Variants in KRTAP4-2 observed in about 807,000 individuals in gnomAD.
KRTAP4-2 encodes the protein keratin associated protein 4-2.
For synonymous variants in KRTAP4-2, 56 were observed against 63.5 expected (o/e 0.88, Z 0.56); for missense variants, 178 against 177.3 (o/e 1.00, Z -0.02).
rs774437758 is a variant in KRTAP4-2, at chr17:41,177,825, T to A, written c.340A>T (p.Thr114Ser). ...ACACAGCAGCTGGGGCGGTAGCAGG[T>A]GGTCCTGCAGCAGGTGGTCTGGCCA... ...SCGQTTCCRTTCYRPSCCVST... is the reference protein window; with the variant it reads ...SCGQTTCCRTSCYRPSCCVST... Residue 114 changes from threonine (T) to serine (S), a missense_variant, in exon 1 of 1, where the codon ACC becomes TCC. Transcript: ENST00000377726. 6.2e-7 allele frequency: 1 copy of A among 1,610,634 alleles called. No individual in the cohort carries two copies. The highest frequency in any genetic ancestry group is 8.5e-7 in the Non-Finnish European group (1 of 1,179,114).
Position 41,177,936 on chromosome 17 carries a change from G to A in KRTAP4-2, c.229C>T (p.Arg77Cys), listed in dbSNP as rs200563477. The change falls in exon 1 of 1, where the codon CGT becomes TGT. Residue 77 changes from arginine (R) to cysteine (C), a missense_variant. Arg to Cys is a radical substitution (Grantham distance 180). Transcript: ENST00000377726. ...QTTCCRTTCCRPSCCVSSCFR... is the reference protein window; with the variant it reads ...QTTCCRTTCCCPSCCVSSCFR... Reference sequence around the variant, plus strand: ...CAGCTGGACACACAGCAGCTGGGACGGCAGCAGGTGGTCCTGCAGCAAGTG... The same window carrying A: ...CAGCTGGACACACAGCAGCTGGGACAGCAGCAGGTGGTCCTGCAGCAAGTG... The A allele has an allele frequency of 1.2e-4, 200 of 1,612,840 alleles. No individual in the cohort carries two copies. Among genetic ancestry groups the A allele is most frequent in the Non-Finnish European group, 1.6e-4 (192 of 1,179,758 alleles).
In KRTAP4-2 at chr17:41,177,902, G is replaced by T. The variant is rs376978526; in HGVS notation, c.263C>A (p.Pro88His). The T allele has an allele frequency of 4.0e-5, 63 of 1,584,200 alleles. No homozygotes were observed. The African/African-American group carries it at 7.1e-4, about 18-fold the overall frequency. ...GCAGTACACAGACTGGCAGCACTGG[G>T]GTCTGAAGCAGCTGGACACACAGCA... ...PSCCVSSCFRPQCCQSVYCQP... is the reference protein window; with the variant it reads ...PSCCVSSCFRHQCCQSVYCQP... Residue 88 changes from proline (P) to histidine (H), a missense_variant, in exon 1 of 1, where the codon CCC becomes CAC. By Grantham distance (77) the Pro-to-His change is moderately conservative. Transcript: ENST00000377726.
At position 41,177,760 on chromosome 17, in the gene KRTAP4-2, G is replaced by A. The variant is rs1568017229; in HGVS notation, c.405C>T (p.Cys135=). ...CCRPTCSSGS[C]C ...GTGAGTATAGGTGAGGGCATCAGCA[G>A]CAAGAGCCACTAGAGCAGGTTGGGC... The change falls in exon 1 of 1, where the codon TGC becomes TGT. Residue 135 remains cysteine (C), a synonymous_variant. Transcript: ENST00000377726. 2 of 1,613,396 alleles carry A rather than the reference G, an allele frequency of 1.2e-6. No homozygotes were observed. Among genetic ancestry groups the A allele is most frequent in the South Asian group, 1.1e-5 (1 of 90,978 alleles).
rs1298998582 is a variant in KRTAP4-2, at chr17:41,177,790, G to A, written c.375C>T (p.Cys125=). ...AGCCACTAGAGCAGGTTGGGCGGCA[G>A]CAGGTGGACACACAGCAGCTGGGGC... The part of the protein sequence containing the change: ...CYRPSCCVST[C]CRPTCSSGSC... Residue 125 remains cysteine (C), a synonymous_variant, in exon 1 of 1, where the codon TGC becomes TGT. Transcript: ENST00000377726. 6.2e-7 allele frequency: 1 copy of A among 1,614,066 alleles called. No homozygotes were observed.
At position 41,178,208 on chromosome 17, in the gene KRTAP4-2, G is replaced by A. The variant is rs1458990258; in HGVS notation, c.-44C>T. 1 of 1,574,030 alleles carries A rather than the reference G, an allele frequency of 6.4e-7. No homozygotes were observed. The highest frequency in any genetic ancestry group is 1.7e-5 in the Admixed American group (1 of 57,202). On this transcript the variant is annotated 5_prime_UTR_variant, in exon 1 of 1. Coordinates refer to ENST00000377726, the MANE Select transcript of KRTAP4-2 (RefSeq NM_033062.4). ...TTCTGGGTGGATTTCCAGGAAGGTG[G>A]GTTTGGAAGGTTTGGAAGTTTCCTT... is the stretch of plus-strand genomic sequence containing the variant.
Position 41,177,516 on chromosome 17 carries a change from G to A in KRTAP4-2, c.*238C>T. 1 of 638,940 alleles carries A rather than the reference G, an allele frequency of 1.6e-6. No homozygotes were observed. Among genetic ancestry groups the A allele is most frequent in the Non-Finnish European group, 2.6e-6 (1 of 382,480 alleles). 39.6% of individuals were successfully genotyped at this position (638,940 alleles called of 1,614,324 possible). ...TAGCTCCATGTGATAAATTATGGTAGAGAGCAAATATTTCAATTCAGGGAA... is the reference window on the plus strand; with the variant it reads ...TAGCTCCATGTGATAAATTATGGTAAAGAGCAAATATTTCAATTCAGGGAA... On this transcript the variant is annotated 3_prime_UTR_variant, in exon 1 of 1. Coordinates refer to ENST00000377726, the MANE Select transcript of KRTAP4-2 (RefSeq NM_033062.4).
chr17:41,178,206 T>A lies in KRTAP4-2; in HGVS notation c.-42A>T. 1.3e-6 allele frequency: 2 copies of A among 1,583,378 alleles called. No individual in the cohort carries two copies. The highest frequency in any genetic ancestry group is 1.7e-6 in the Non-Finnish European group (2 of 1,162,842). ...GGTTCTGGGTGGATTTCCAGGAAGG[T>A]GGGTTTGGAAGGTTTGGAAGTTTCC... On this transcript the variant is annotated 5_prime_UTR_variant, in exon 1 of 1. Transcript: ENST00000377726.
Position 41,178,038 on chromosome 17 carries a change from A to T in KRTAP4-2, c.127T>A (p.Ser43Thr). 1 of 1,612,416 alleles carries T rather than the reference A, an allele frequency of 6.2e-7. No homozygotes were observed. Among genetic ancestry groups the T allele is most frequent in the Non-Finnish European group, 8.5e-7 (1 of 1,179,276 alleles). ...CAGCACTGCGGTCTGCAGCAGCTGG[A>T]CACACAGCAGCTGGGGCGGCAGCAG... ...TTCCRPSCCV[S>T]SCCRPQCCQS... Residue 43 changes from serine (S) to threonine (T), a missense_variant, in exon 1 of 1, where the codon TCC (serine) becomes ACC (threonine). By Grantham distance (58) the Ser-to-Thr change is moderately conservative. Transcript: ENST00000377726.
At position 41,177,599 on chromosome 17, in the gene KRTAP4-2, G is replaced by A. The variant is rs549777986; in HGVS notation, c.*155C>T. On this transcript the variant is annotated 3_prime_UTR_variant, in exon 1 of 1. Transcript: ENST00000377726. ...ACTTGTATTCATTTGGTAGAGGGTA[G>A]CAACATAGTGTTTGGTGAGCATATT... 1 of 1,174,046 alleles carries A rather than the reference G, an allele frequency of 8.5e-7. No individual in the cohort carries two copies. Among genetic ancestry groups the A allele is most frequent in the South Asian group, 1.5e-5 (1 of 66,588 alleles). The allele number at this position is 1,174,046 out of a possible 1,614,324, so 72.7% of individuals were successfully genotyped here.
chr17:41,177,905 C>T lies in KRTAP4-2; in HGVS notation c.260G>A (p.Arg87Lys). 1 of 1,584,114 alleles carries T rather than the reference C, an allele frequency of 6.3e-7. No individual in the cohort carries two copies. Among genetic ancestry groups the T allele is most frequent in the South Asian group, 1.1e-5 (1 of 88,384 alleles). The change falls in exon 1 of 1, where the codon AGA (arginine) becomes AAA (lysine). Residue 87 changes from arginine to lysine, a missense_variant. Transcript: ENST00000377726. ...RPSCCVSSCF[R>K]PQCCQSVYCQ... ...GTACACAGACTGGCAGCACTGGGGT[C>T]TGAAGCAGCTGGACACACAGCAGCT... is the stretch of plus-strand genomic sequence containing the variant.
In KRTAP4-2 at chr17:41,178,082, G is replaced by C. The variant is rs778973243; in HGVS notation, c.83C>G (p.Thr28Ser). 2.5e-6 allele frequency: 4 copies of C among 1,614,162 alleles called. No individual in the cohort carries two copies. Among genetic ancestry groups the C allele is most frequent in the Non-Finnish European group, 3.4e-6 (4 of 1,179,996 alleles). Residue 28 changes from threonine to serine, a missense_variant, in exon 1 of 1, where the codon ACC becomes AGC. Thr to Ser is a moderately conservative substitution (Grantham distance 58, BLOSUM62 1). Coordinates refer to ENST00000377726, the MANE Select transcript of KRTAP4-2 (RefSeq NM_033062.4). ...GCAGCAGGTGGTCCTGCAGCAGGTGGTCTGGCAGCAGCTGGGACGGCAGCA... is the reference window on the plus strand; with the variant it reads ...GCAGCAGGTGGTCCTGCAGCAGGTGCTCTGGCAGCAGCTGGGACGGCAGCA... ...ENCCRPSCCQ[T>S]TCCRTTCCRP...
Sources: allele counts gnomAD v4.1 joint callset, GRCh38; gene constraint gnomAD v4.1.1; transcripts MANE v1.5; gene names NCBI Gene and HGNC (gene_info 2026-07-23, HGNC 2026-07-21).